The following CIST1 variants were observed in gnomAD, a reference collection of about 807,000 sequenced individuals.
The protein encoded by CIST1 is uncharacterized LOC729966.
At chr19:18,250,797 AGG>A in the CIST1 span, among the ~76,000 whole-genome samples, 1 of 146,238 alleles carries the variant, frequency 6.8e-6, no homozygotes, top group African/African-American at 2.6e-5. Flanking sequence ...TTTTTGAGAC[AGG>A]GTCTTGCTCT....
chr19:18,254,224 T>C, the CIST1 span, among the ~76,000 whole-genome samples: 20 of 152,256 alleles, frequency 1.3e-4, no homozygotes, highest in African/African-American at 4.6e-4. Flanking sequence ...AGGACCCTTG[T>C]CCTCTGTTTC....
chr19:18,250,664 T>C, the CIST1 span, among the ~76,000 whole-genome samples: 7 of 152,096 alleles, frequency 4.6e-5, no homozygotes, highest in African/African-American at 1.2e-4. Flanking sequence ...TGGAGTGCAG[T>C]AGTGCAATCA....
the CIST1 span, chr19:18,250,234 T>C: frequency 2.5e-6 from 1 of 398,962 alleles, no homozygotes; most frequent in East Asian, 3.6e-5. Flanking sequence ...GCAGCCCAGG[T>C]TGGCCCTGCT....
the CIST1 span, among the ~76,000 whole-genome samples, chr19:18,250,872 C>T: frequency 7.9e-5 from 12 of 150,980 alleles, no homozygotes; most frequent in Non-Finnish European, 1.8e-4. Flanking sequence ...CTCCAAGGAT[C>T]TAGTGATCCT....
chr19:18,250,551 TA>T, the CIST1 span: 133,459 of 398,056 alleles, frequency 0.34, 24,377 homozygotes, highest in African/African-American at 0.58. Context: ...CAGAGCCTTT[TA>T]AAATCTGTTC....
chr19:18,250,131 C>T, the CIST1 span: 2 of 398,654 alleles, frequency 5.0e-6, no homozygotes, highest in African/African-American at 2.1e-5. Context: ...CCTCAGGGCT[C>T]ACTCCTGGAG....
At chr19:18,252,933 A>T in the CIST1 span, among the ~76,000 whole-genome samples, 6 of 151,962 alleles carry the variant, frequency 3.9e-5, no homozygotes, top group African/African-American at 1.5e-4. Context: ...TAATTAATTT[A>T]TTTTTTTGTC....
the CIST1 span, chr19:18,252,412 GAGA>G: frequency 5.0e-6 from 2 of 398,988 alleles, no homozygotes; most frequent in South Asian, 1.3e-4. Flanking sequence ...TGGGCGAAGG[GAGA>G]AGAAATCAGA....
chr19:18,252,527 G>A, the CIST1 span: 1 of 398,798 alleles, frequency 2.5e-6, no homozygotes, highest in Admixed American at 4.4e-5. Flanking sequence ...CACTTTGAGA[G>A]GTCAAGGTGA....
At chr19:18,253,302 G>A in the CIST1 span, among the ~76,000 whole-genome samples, 1 of 152,140 alleles carries the variant, frequency 6.6e-6, no homozygotes, top group African/African-American at 2.4e-5. Context: ...AGGATTGCCT[G>A]ACCCCAGGAA....
At chr19:18,252,494 GT>G in the CIST1 span, 1 of 389,228 alleles carries the variant, frequency 2.6e-6, no homozygotes, top group African/African-American at 2.5e-5. Context: ...ACTGGGCGCG[GT>G]GGCTCACGCC....
the CIST1 span, chr19:18,255,244 C>T: frequency 5.0e-6 from 2 of 398,768 alleles, no homozygotes; most frequent in East Asian, 3.6e-5. The surrounding 1 kb of genome is among the most constrained non-coding windows in gnomAD (Gnocchi z 4.6). Flanking sequence ...TTGTAATTCA[C>T]ACCAGCTTTC....
chr19:18,252,299 G>A, the CIST1 span: 1 of 399,170 alleles, frequency 2.5e-6, no homozygotes, highest in Non-Finnish European at 4.4e-6. Context: ...GGATGGTAGG[G>A]GTTGCCCCTG....
At chr19:18,255,129 G>A in the CIST1 span, 1 of 396,428 alleles carries the variant, frequency 2.5e-6, no homozygotes, top group Non-Finnish European at 4.4e-6. This position sits in a 1 kb window ranked among gnomAD's most constrained non-coding sequence, Gnocchi z 4.6. Context: ...CCTGAGGGAG[G>A]GGTCCAGAAG....
the CIST1 span, among the ~76,000 whole-genome samples, chr19:18,254,888 G>A: frequency 4.6e-5 from 7 of 152,232 alleles, no homozygotes; most frequent in African/African-American, 1.4e-4. Context: ...TGGCCCTGAG[G>A]TCTTCACCAT....
At chr19:18,252,110 C>T in the CIST1 span, 1 of 399,054 alleles carries the variant, frequency 2.5e-6, no homozygotes, top group Non-Finnish European at 4.4e-6. Context: ...TCAAGGGCTC[C>T]GTTCCGGGGC....
the CIST1 span, chr19:18,250,539 C>A: frequency 2.7e-6 from 1 of 375,018 alleles, no homozygotes; most frequent in East Asian, 3.6e-5. Context: ...CCCACCAGGG[C>A]CCAGAGCCTT....
At chr19:18,254,598 G>T in the CIST1 span, among the ~76,000 whole-genome samples, 2 of 152,196 alleles carry the variant, frequency 1.3e-5, no homozygotes, top group African/African-American at 2.4e-5. Flanking sequence ...CCTTCTGAAT[G>T]AAACCCTTCC....
the CIST1 span, among the ~76,000 whole-genome samples, chr19:18,251,561 A>T: frequency 6.6e-6 from 1 of 151,070 alleles, no homozygotes; most frequent in Non-Finnish European, 1.5e-5. Flanking sequence ...CAGCCTCCCG[A>T]GTTGCTGAGA....
Sources: gnomAD v4.1 joint callset for allele counts (sites outside exome capture counted in the v4.1 genomes callset) on GRCh38, gnomAD v4.1.1 for gene constraint, Gnocchi (gnomAD v3.1) non-coding constraint, MANE v1.5 for transcripts, NCBI Gene and HGNC (gene_info 2026-07-23, HGNC 2026-07-21) for gene names.